SUCLG1: variants seen among roughly 807,000 people sequenced by gnomAD.
The protein encoded by SUCLG1 is succinate--CoA ligase [ADP/GDP-forming] subunit alpha, mitochondrial.
SUCLG1 carries 26 observed loss-of-function variants against 37.3 expected under a neutral mutation model. That is an observed-to-expected ratio of 0.70 (90% CI 0.51 to 0.97). The LOEUF is 0.97. Among genes scored for constraint, SUCLG1 ranks in the 50% least tolerant of loss-of-function variants. The pLI is 0.00. For missense variants in SUCLG1, 433 were observed against 432.9 expected (o/e 1.00, Z 0.00); for synonymous variants, 163 against 155.6 (o/e 1.05, Z -0.36).
At chr2:84,427,469 T>C (rs1003330236) in intron 7 of SUCLG1, among the ~76,000 whole-genome samples, 1 of 152,246 alleles carries the variant, frequency 6.6e-6, no homozygotes, top group Non-Finnish European at 1.5e-5. Context: ...TTCACTGAGT[T>C]ATGCAGATCT....
intron 1 of SUCLG1, among the ~76,000 whole-genome samples, chr2:84,458,926 C>T (rs1311249014): frequency 6.6e-6 from 1 of 152,208 alleles, no homozygotes; most frequent in South Asian, 2.1e-4. Context: ...GCTCCCGGAC[C>T]CGAATCCTGG....
rs541017728 is a variant in SUCLG1 at position 84,439,502 on chromosome 2, A to T, written c.589+1545T>A. Reference sequence around the variant, plus strand: ...TGGATCTGGCCCCACTGGAACTCAGATGGCCTATGGAGCTCCCTGAAATCT... The same window carrying T: ...TGGATCTGGCCCCACTGGAACTCAGTTGGCCTATGGAGCTCCCTGAAATCT... On this transcript the variant is annotated intron_variant, in intron 5 of 8. Transcript: ENST00000393868. 5.5e-4 allele frequency among the ~76,000 whole-genome samples: 84 copies of T among 152,312 alleles called. 6 individuals carry two copies. The South Asian group carries it at 0.017, about 31-fold the overall frequency.
intron 2 of SUCLG1, 121 bp from the exon 3 acceptor site, chr2:84,443,521 A>C: frequency 1.2e-6 from 1 of 839,774 alleles, no homozygotes; most frequent in Non-Finnish European, 2.0e-6. Flanking sequence ...CCAGACAATA[A>C]CATATATTTA....
Position 84,433,387 on chromosome 2 carries a change from G to A in SUCLG1, c.638C>T (p.Thr213Ile). The change falls in exon 6 of 9, where the codon ACA becomes ATA. Residue 213 changes from threonine (T) to isoleucine (I), a missense_variant. Coordinates refer to ENST00000393868, the MANE Select transcript of SUCLG1 (RefSeq NM_003849.4). The stretch of plus-strand genomic sequence containing the variant: ...AGACTGCCCCAATCCAACTTGCGTT[G>A]TTTGGTGAACTGCTTCATAAGTCAG... ...GTLTYEAVHQTTQVGLGQSLC... is the reference protein window; with the variant it reads ...GTLTYEAVHQITQVGLGQSLC... 2 of 1,613,964 alleles carry A rather than the reference G, an allele frequency of 1.2e-6. No individual in the cohort carries two copies. The highest frequency in any genetic ancestry group is 1.7e-6 in the Non-Finnish European group (2 of 1,179,898).
chr2:84,425,611 G>A lies in SUCLG1; in HGVS notation c.826-8C>T. The A allele has an allele frequency of 6.2e-7, 1 of 1,614,090 alleles. No individual in the cohort carries two copies. The highest frequency in any genetic ancestry group is 1.1e-5 in the South Asian group (1 of 91,082). On this transcript the variant is annotated splice_region_variant and splice_polypyrimidine_tract_variant and intron_variant, in intron 7 of 8. Coordinates refer to ENST00000393868, the MANE Select transcript of SUCLG1 (RefSeq NM_003849.4). ...AGGCTTGGAATTTGGACCCTAGAAAGAAAGTAATATTTTAAATGCTCTAAT... is the reference window on the plus strand; with the variant it reads ...AGGCTTGGAATTTGGACCCTAGAAAAAAAGTAATATTTTAAATGCTCTAAT...
chr2:84,440,742 G>A (rs1672755569), intron 5 of SUCLG1, among the ~76,000 whole-genome samples: 1 of 152,174 alleles, frequency 6.6e-6, no homozygotes, highest in Non-Finnish European at 1.5e-5. Context: ...AGTTATAACA[G>A]TTAATGAAAT....
intron 1 of SUCLG1, among the ~76,000 whole-genome samples, chr2:84,454,803 G>A (rs1238864180): frequency 1.3e-5 from 2 of 152,146 alleles, no homozygotes; most frequent in African/African-American, 2.4e-5. Flanking sequence ...TGGGATGAAT[G>A]ATGCAATCTA....
chr2:84,433,294 T>C (rs1672636683), intron 6 of SUCLG1, 58 bp downstream of exon 6: 1 of 1,306,008 alleles, frequency 7.7e-7, no homozygotes, highest in African/African-American at 1.5e-5. Context: ...ATTATTATTA[T>C]ACTCATCCAA....
chr2:84,435,992 G>C (rs1672682056), intron 5 of SUCLG1, among the ~76,000 whole-genome samples: 1 of 152,070 alleles, frequency 6.6e-6, no homozygotes, highest in African/African-American at 2.4e-5. Context: ...TGCATCTCTT[G>C]GTTGAATTTT....
intron 1 of SUCLG1, chr2:84,458,615 CT>C (rs1673074037): frequency 6.6e-6 from 1 of 152,310 alleles, no homozygotes; most frequent in Non-Finnish European, 1.5e-5. Flanking sequence ...CAACCATAAG[CT>C]TCTAGTAGTC....
chr2:84,438,754 G>T (rs1442264771), intron 5 of SUCLG1, among the ~76,000 whole-genome samples: 1 of 152,194 alleles, frequency 6.6e-6, no homozygotes, highest in Non-Finnish European at 1.5e-5. Flanking sequence ...CTTACAAGAG[G>T]ATTATAAAAT....
rs373902381 is a variant in SUCLG1 at position 84,453,064 on chromosome 2, C to T, written c.98-3312G>A. On this transcript the variant is annotated intron_variant, in intron 1 of 8. Transcript: ENST00000393868. ...CGGCCCTAAAATGCTTCTGGCGGTC[C>T]CCAAAGCTACATTAATCTAGTACAA... 7.2e-5 allele frequency among the ~76,000 whole-genome samples: 11 copies of T among 152,208 alleles called. No homozygotes were observed. In the South Asian group the frequency reaches 2.3e-3, roughly 32 times the overall value.
In SUCLG1 at chr2:84,425,423, T is replaced by C. The variant is rs1257601264; in HGVS notation, c.1006A>G (p.Ile336Val). The change falls in exon 8 of 9, where the codon ATC (isoleucine) becomes GTC (valine). Residue 336 changes from isoleucine to valine, a missense_variant. Coordinates refer to ENST00000393868, the MANE Select transcript of SUCLG1 (RefSeq NM_003849.4). ...SMSPAQLGTTIYKEFEKRKML is the reference protein window; with the variant it reads ...SMSPAQLGTTVYKEFEKRKML ...CCACTGTTGGAGCTCACCTTGTAGA[T>C]CGTGGTTCCCAGCTGTGCAGGAGAC... 1 of 1,614,166 alleles carries C rather than the reference T, an allele frequency of 6.2e-7. No homozygotes were observed. The highest frequency in any genetic ancestry group is 8.5e-7 in the Non-Finnish European group (1 of 1,180,028).
chr2:84,447,535 T>G (rs1672868631), intron 2 of SUCLG1, among the ~76,000 whole-genome samples: 1 of 152,200 alleles, frequency 6.6e-6, no homozygotes, highest in Non-Finnish European at 1.5e-5. Context: ...TTATATATAA[T>G]AAATTTATGT....
intron 4 of SUCLG1, 70 bp downstream of exon 4, chr2:84,441,177 G>T: frequency 2.5e-6 from 4 of 1,610,714 alleles, no homozygotes; most frequent in Non-Finnish European, 2.5e-6. Flanking sequence ...AAATACACTC[G>T]CATTCACTCA....
intron 2 of SUCLG1, among the ~76,000 whole-genome samples, chr2:84,446,593 C>T (rs938454763): frequency 6.6e-6 from 1 of 152,078 alleles, no homozygotes; most frequent in South Asian, 2.1e-4. Context: ...GAAAGAACCA[C>T]AGGCCAGTGC....
chr2:84,434,506 T>C (rs1672656692), intron 5 of SUCLG1, among the ~76,000 whole-genome samples: 1 of 152,190 alleles, frequency 6.6e-6, no homozygotes, highest in African/African-American at 2.4e-5. Flanking sequence ...GTTAGATGTC[T>C]TCTCTTGTAG....
Position 84,433,200 on chromosome 2 carries a change from T to C in SUCLG1, c.673+152A>G, listed in dbSNP as rs1672635330. 5.3e-6 allele frequency: 4 copies of C among 758,632 alleles called. No homozygotes were observed. In the East Asian group the frequency reaches 1.1e-4, roughly 20 times the overall value. The allele number at this position is 758,632 out of a possible 1,614,324, so 47.0% of individuals were successfully genotyped here. ...AATCTTGAAACAACTACAGAATAACTTTACACTTAAGCAAATTAAATTTGA... is the reference window on the plus strand; with the variant it reads ...AATCTTGAAACAACTACAGAATAACCTTACACTTAAGCAAATTAAATTTGA... On this transcript the variant is annotated intron_variant, in intron 6 of 8. Transcript: ENST00000393868.
In SUCLG1 at chr2:84,441,252, T is replaced by C. The variant is rs374072294; in HGVS notation, c.526A>G (p.Ile176Val). The change falls in exon 4 of 9, where the codon ATC becomes GTC. Residue 176 changes from isoleucine to valine, a missense_variant. Physicochemically the swap from Ile to Val is conservative, Grantham distance 29. Transcript: ENST00000393868. ...RLIGPNCPGV[I>V]NPGECKIGIM... ...TTTTGTTTTTTTGCACTCACATTGA[T>C]GACTCCAGGGCAGTTGGGCCCAATT... is the stretch of plus-strand genomic sequence containing the variant. 6.2e-7 allele frequency: 1 copy of C among 1,614,200 alleles called. No homozygotes were observed. The highest frequency in any genetic ancestry group is 8.5e-7 in the Non-Finnish European group (1 of 1,180,034).
Sources: allele counts gnomAD v4.1 joint callset (sites outside exome capture counted in the v4.1 genomes callset), GRCh38; gene constraint gnomAD v4.1.1; transcripts MANE v1.5; gene names NCBI Gene and HGNC (gene_info 2026-07-23, HGNC 2026-07-21).